Variants in EPHA6 observed in about 807,000 individuals in gnomAD.
EPHA6 encodes ephrin type-A receptor 6.
EPHA6 carries 50 observed loss-of-function variants against 112.0 expected under a neutral mutation model. The ratio of observed to expected loss-of-function variants is 0.45; its 90% CI spans 0.36 to 0.56. The LOEUF (loss-of-function observed/expected upper bound fraction) is 0.56. EPHA6 is among the 20% of genes least tolerant of loss of function. The pLI is 0.00. For synonymous variants in EPHA6, 529 were observed against 490.7 expected, an observed-to-expected ratio of 1.08 and a Z score of -1.03; for missense variants, 1,280 against 1,417.4, an observed-to-expected ratio of 0.90 and a Z score of 1.56.
At chr3:97,502,111 G>T (rs925813747) in intron 10 of EPHA6, among the ~76,000 whole-genome samples, 1 of 150,866 alleles carries the variant, frequency 6.6e-6, no homozygotes, top group African/African-American at 2.4e-5. Flanking sequence ...GACAATTGGA[G>T]CATGATAACA....
At chr3:97,555,442 C>T (rs969254919) in intron 11 of EPHA6, among the ~76,000 whole-genome samples, 20 of 152,132 alleles carry the variant, frequency 1.3e-4, no homozygotes, top group African/African-American at 4.6e-4. Flanking sequence ...TGGGTATATA[C>T]CTAGTAATGG....
In EPHA6 at chr3:97,711,692, A is replaced by T. The variant is rs565072934; in HGVS notation, c.2785-8569A>T. On this transcript the variant is annotated intron_variant, in intron 14 of 17. Coordinates refer to ENST00000389672, the MANE Select transcript of EPHA6 (RefSeq NM_001080448.3). ...CACTCTTCCTCCACTCTTTTGTTCT[A>T]TCTGGGCCCTCAGTAGATTGGATGA... Among the ~76,000 whole-genome samples the T allele has an allele frequency of 1.8e-4, 27 of 152,252 alleles. No individual in the cohort carries two copies. In the South Asian group the frequency reaches 5.6e-3, roughly 32 times the overall value.
chr3:97,205,550 A>G (rs1319390758), intron 3 of EPHA6, among the ~76,000 whole-genome samples: 2 of 152,058 alleles, frequency 1.3e-5, no homozygotes, highest in Non-Finnish European at 2.9e-5. Flanking sequence ...TATGCATGGA[A>G]TGGGAAACCT....
chr3:97,533,921 G>A (rs1483119874), intron 11 of EPHA6, among the ~76,000 whole-genome samples: 1 of 152,046 alleles, frequency 6.6e-6, no homozygotes. Context: ...CTATAGCTGT[G>A]GTTGACATCT....
At chr3:97,565,886 G>A (rs1026420315) in intron 11 of EPHA6, among the ~76,000 whole-genome samples, 10 of 151,772 alleles carry the variant, frequency 6.6e-5, no homozygotes, top group South Asian at 2.1e-4. Context: ...GTGTGGTGGC[G>A]CCTGCCTGTA....
chr3:97,479,477 AC>A (rs2091469679), intron 9 of EPHA6, 113 bp downstream of exon 9: 1 of 607,402 alleles, frequency 1.6e-6, no homozygotes, highest in Non-Finnish European at 2.6e-6. Flanking sequence ...ATCACTTCCA[AC>A]CTTTCAGCAT....
At chr3:97,583,720 T>A (rs571850806) in intron 11 of EPHA6, among the ~76,000 whole-genome samples, 1 of 152,278 alleles carries the variant, frequency 6.6e-6, no homozygotes, top group East Asian at 1.9e-4. Flanking sequence ...CATAAGTTGA[T>A]CAACAGATTC....
At chr3:97,218,522 A>G (rs1364675679) in intron 3 of EPHA6, among the ~76,000 whole-genome samples, 2 of 152,134 alleles carry the variant, frequency 1.3e-5, no homozygotes, top group South Asian at 2.1e-4. Flanking sequence ...GCCCCTTATA[A>G]AACTATCAGA....
chr3:97,672,645 GAGA>G (rs1189650931), intron 14 of EPHA6, among the ~76,000 whole-genome samples: 6 of 151,990 alleles, frequency 3.9e-5, no homozygotes, highest in African/African-American at 1.2e-4. Context: ...TGGAAGGACA[GAGA>G]AGAAGGAAAG....
chr3:97,079,637 T>A (rs576591546), intron 3 of EPHA6, among the ~76,000 whole-genome samples: 6 of 150,084 alleles, frequency 4.0e-5, no homozygotes, highest in African/African-American at 1.5e-4. Context: ...ACCACAGGGT[T>A]TGAGAGGGTT....
intron 11 of EPHA6, among the ~76,000 whole-genome samples, chr3:97,564,086 G>A (rs931588440): frequency 4.0e-5 from 6 of 151,620 alleles, no homozygotes; most frequent in South Asian, 2.1e-4. Context: ...TATGAAAAGC[G>A]TTAAGTTAAT....
intron 6 of EPHA6, 47 bp downstream of exon 6, chr3:97,405,321 T>C (rs771754354): frequency 4.8e-6 from 7 of 1,472,220 alleles, no homozygotes; most frequent in East Asian, 4.7e-5. Flanking sequence ...TATATGCATA[T>C]ATATGTATAT....
At chr3:97,216,500 G>A (rs1237636945) in intron 3 of EPHA6, among the ~76,000 whole-genome samples, 1 of 152,152 alleles carries the variant, frequency 6.6e-6, no homozygotes, top group Admixed American at 6.5e-5. Flanking sequence ...ATCAAGTGGA[G>A]GATCAATAAC....
rs149395072 is a variant in EPHA6, at chr3:96,953,934, G to A, written c.451-33396G>A. ...GTCACTCAGGCTGGAGTGCAGTGGCGCAATCTCAGCTCACTGCAACCTCTG... is the reference window on the plus strand; with the variant it reads ...GTCACTCAGGCTGGAGTGCAGTGGCACAATCTCAGCTCACTGCAACCTCTG... On this transcript the variant is annotated intron_variant, in intron 2 of 17. Transcript: ENST00000389672. Among the ~76,000 whole-genome samples, 456 of 151,800 alleles carry A rather than the reference G, an allele frequency of 3.0e-3. 4 individuals carry two copies. The highest frequency in any genetic ancestry group is 0.01 in the African/African-American group (416 of 41,390).
intron 4 of EPHA6, among the ~76,000 whole-genome samples, chr3:97,232,879 G>T (rs2078569165): frequency 6.6e-6 from 1 of 152,094 alleles, no homozygotes; most frequent in African/African-American, 2.4e-5. Flanking sequence ...CTCGGGAGGG[G>T]CCACATGCAC....
chr3:97,019,304 T>G (rs1160877671), intron 3 of EPHA6, among the ~76,000 whole-genome samples: 1 of 152,168 alleles, frequency 6.6e-6, no homozygotes, highest in East Asian at 1.9e-4. Flanking sequence ...TACAAGACTT[T>G]TCTAATCTTC....
chr3:97,028,323 CTGTT>C (rs1244520444), intron 3 of EPHA6, among the ~76,000 whole-genome samples: 4 of 152,024 alleles, frequency 2.6e-5, no homozygotes, highest in Admixed American at 6.6e-5. Context: ...TGCTTTATGA[CTGTT>C]TGGGGAGGAT....
chr3:96,886,432 C>T (rs2037628992), intron 2 of EPHA6, among the ~76,000 whole-genome samples: 1 of 152,228 alleles, frequency 6.6e-6, no homozygotes, highest in South Asian at 2.1e-4. Flanking sequence ...TATAATGTCC[C>T]TCTTTGTCTC....
chr3:97,018,817 G>C (rs1033475345), intron 3 of EPHA6, among the ~76,000 whole-genome samples: 1 of 152,144 alleles, frequency 6.6e-6, no homozygotes, highest in African/African-American at 2.4e-5. Flanking sequence ...GGGAAAGGGA[G>C]ACTCCCTTTC....
Sources: allele counts gnomAD v4.1 joint callset (sites outside exome capture counted in the v4.1 genomes callset), GRCh38; gene constraint gnomAD v4.1.1; transcripts MANE v1.5; gene names NCBI Gene and HGNC (gene_info 2026-07-23, HGNC 2026-07-21).